The following ANKRD30BL variants were observed in gnomAD, a reference collection of about 807,000 sequenced individuals.
The protein encoded by ANKRD30BL is putative ankyrin repeat domain-containing protein 30B-like.
ANKRD30BL carries 20 observed loss-of-function variants against 18.4 expected under a neutral mutation model. That is an observed-to-expected ratio of 1.09 (90% confidence interval 0.77 to 1.58). The LOEUF (loss-of-function observed/expected upper bound fraction) is 1.58, where lower values mean the gene tolerates loss of function less well. ANKRD30BL is among the 40% of genes most tolerant of loss of function. ANKRD30BL has a pLI of 0.00. For missense variants in ANKRD30BL, 224 were observed against 268.6 expected (o/e 0.83, Z 1.16); for synonymous variants, 72 against 100.9 (o/e 0.71, Z 1.72).
rs565467076 is a variant in ANKRD30BL at position 132,254,146 on chromosome 2, C to T, written n.441+3383G>A. ...GCTGCGAGCCATCCAGCCCGCCCCA[C>T]GACACGCACACACGGTTTCATCCCC... is the stretch of plus-strand genomic sequence containing the variant. On this transcript the variant is annotated intron_variant and non_coding_transcript_variant, in intron 1 of 4. Coordinates refer to the ANKRD30BL transcript ENST00000470729. Among the ~76,000 whole-genome samples the T allele has an allele frequency of 9.9e-3, 1,514 of 152,164 alleles. 23 individuals are homozygous for T. The highest frequency in any genetic ancestry group is 0.034 in the African/African-American group (1,427 of 41,518).
At chr2:132,216,683 GA>G (rs549962104) in intron 1 of ANKRD30BL, among the ~76,000 whole-genome samples, 32 of 152,088 alleles carry the variant, frequency 2.1e-4, no homozygotes, top group Non-Finnish European at 3.8e-4. Context: ...GCCTGTGGTA[GA>G]AAAGGAAATA....
At chr2:132,165,641 G>T (rs1264272919), upstream of ANKRD30BL, among the ~76,000 whole-genome samples, 1 of 151,544 alleles carries the variant, frequency 6.6e-6, no homozygotes, top group Non-Finnish European at 1.5e-5. Flanking sequence ...AGAATTGTTT[G>T]AACCCAGGAG....
chr2:132,175,769 CTT>C lies in ANKRD30BL; in HGVS notation n.442-18625_442-18624del, dbSNP rs1156812807. On this transcript the variant is annotated intron_variant and non_coding_transcript_variant, in intron 1 of 4. Transcript: ENST00000470729. ...TATCGAGACTAGAGAATGGCGATGA[CTT>C]TTACCAAGCATACTACTTGTAAACA... is the stretch of plus-strand genomic sequence containing the variant. Among the ~76,000 whole-genome samples the C allele has an allele frequency of 2.0e-5, 3 of 152,210 alleles. No individual in the cohort carries two copies. In the East Asian group the frequency reaches 5.8e-4, roughly 29 times the overall value.
intron 1 of ANKRD30BL, among the ~76,000 whole-genome samples, chr2:132,220,757 C>A (rs1304016709): frequency 7.9e-5 from 12 of 151,964 alleles, no homozygotes; most frequent in African/African-American, 2.9e-4. Flanking sequence ...CCCAAAGAGC[C>A]GAGATTGCAG....
chr2:132,152,502 T>C (rs1687786652), intron 4 of ANKRD30BL: 2 of 152,170 alleles, frequency 1.3e-5, no homozygotes, highest in African/African-American at 4.8e-5. Context: ...GAGGTAGAGA[T>C]GTAAGTAGCA....
intron 1 of ANKRD30BL, among the ~76,000 whole-genome samples, chr2:132,233,657 C>T (rs1250249120): frequency 9.3e-5 from 14 of 150,702 alleles, no homozygotes; most frequent in African/African-American, 3.4e-4. Flanking sequence ...CTATATGCAC[C>T]CAATACAGGA....
At chr2:132,249,637 T>G (rs1301576536) in intron 1 of ANKRD30BL, among the ~76,000 whole-genome samples, 1 of 152,104 alleles carries the variant, frequency 6.6e-6, no homozygotes, top group Non-Finnish European at 1.5e-5. Context: ...AGTTTTTATG[T>G]GAAGATATTT....
At chr2:132,256,826 C>A in intron 1 of ANKRD30BL, 1 of 374,440 alleles carries the variant, frequency 2.7e-6, no homozygotes, top group South Asian at 1.9e-5. Flanking sequence ...GGTTTGGTCC[C>A]AGACGGGGCC....
intron 1 of ANKRD30BL, among the ~76,000 whole-genome samples, chr2:132,255,891 G>A (rs1186686260): frequency 6.6e-6 from 1 of 152,158 alleles, no homozygotes; most frequent in Non-Finnish European, 1.5e-5. Context: ...ATTGGCCCGA[G>A]GTTATCCAGA....
intron 1 of ANKRD30BL, among the ~76,000 whole-genome samples, chr2:132,242,173 G>A (rs78230610): frequency 6.6e-6 from 1 of 151,548 alleles, no homozygotes; most frequent in Non-Finnish European, 1.5e-5. Flanking sequence ...ACAGCATTGA[G>A]GATTTCGTTG....
rs113788621 is a variant in ANKRD30BL at position 132,226,662 on chromosome 2, G to T, written n.441+30867C>A. ...GAATCTGCAAGTGGACATTTGGTGT[G>T]CTTTGAGGCCTATGGTGGAAAAGGA... is the stretch of plus-strand genomic sequence containing the variant. On this transcript the variant is annotated intron_variant and non_coding_transcript_variant, in intron 1 of 4. Transcript: ENST00000470729. 2.0e-5 allele frequency among the ~76,000 whole-genome samples: 3 copies of T among 151,194 alleles called. 1 individual carries two copies. The highest frequency in any genetic ancestry group is 7.3e-5 in the African/African-American group (3 of 40,964).
At position 132,198,324 on chromosome 2, in the gene ANKRD30BL, CTTTTT is replaced by C. The variant is rs773252461; in HGVS notation, n.442-41183_442-41179del. 6.5e-4 allele frequency among the ~76,000 whole-genome samples: 11 copies of C among 16,828 alleles called. 1 individual carries two copies. Among genetic ancestry groups the C allele is most frequent in the African/African-American group, 1.5e-3 (11 of 7,354 alleles). The allele number at this position is 16,828 out of a possible 152,430, so 11.0% of individuals were successfully genotyped here. ...TCTTTCTTTCTTTCTTTCTTTCTTT[CTTTTT>C]TTTTTTTTTTTTTAGACAGAGTCTC... On this transcript the variant is annotated intron_variant and non_coding_transcript_variant, in intron 1 of 4. Transcript: ENST00000470729.
At chr2:132,160,813 T>C (rs2104931295) in intron 1 of ANKRD30BL, among the ~76,000 whole-genome samples, 1 of 152,090 alleles carries the variant, frequency 6.6e-6, no homozygotes, top group South Asian at 2.1e-4. Context: ...GTTTTAAATG[T>C]CACCACAATA....
At chr2:132,185,822 G>A (rs1431706307) in intron 1 of ANKRD30BL, among the ~76,000 whole-genome samples, 1 of 152,048 alleles carries the variant, frequency 6.6e-6, no homozygotes, top group Non-Finnish European at 1.5e-5. Context: ...TGGATTACTA[G>A]GAAAACTAAA....
At chr2:132,188,122 TGTAA>T (rs753501999) in intron 1 of ANKRD30BL, among the ~76,000 whole-genome samples, 25 of 152,298 alleles carry the variant, frequency 1.6e-4, no homozygotes, top group African/African-American at 4.8e-4. Flanking sequence ...TTTTCTGTGC[TGTAA>T]GTATTTTCTA....
intron 1 of ANKRD30BL, among the ~76,000 whole-genome samples, chr2:132,180,829 A>G (rs1688447518): frequency 6.6e-6 from 1 of 152,218 alleles, no homozygotes; most frequent in African/African-American, 2.4e-5. Context: ...ACATAAAATT[A>G]TAAAAGAACT....
chr2:132,196,154 AAG>A (rs1457350800), intron 1 of ANKRD30BL, among the ~76,000 whole-genome samples: 19 of 151,472 alleles, frequency 1.3e-4, no homozygotes, highest in Admixed American at 5.2e-4. Flanking sequence ...AAAAAAAAAA[AAG>A]AAAAAGAAAA....
intron 1 of ANKRD30BL, among the ~76,000 whole-genome samples, chr2:132,195,086 A>G (rs908548076): frequency 6.6e-6 from 1 of 152,172 alleles, no homozygotes; most frequent in African/African-American, 2.4e-5. Flanking sequence ...CAAAATGGAT[A>G]TAAATAGGAA....
intron 1 of ANKRD30BL, among the ~76,000 whole-genome samples, chr2:132,216,042 A>G (rs1231350257): frequency 6.7e-6 from 1 of 149,278 alleles, no homozygotes; most frequent in Non-Finnish European, 1.5e-5. Context: ...ATATCTTCAT[A>G]GAGAAATTTC....
Sources: gnomAD v4.1 joint callset for allele counts (sites outside exome capture counted in the v4.1 genomes callset) on GRCh38, gnomAD v4.1.1 for gene constraint, MANE v1.5 for transcripts, NCBI Gene and HGNC (gene_info 2026-07-23, HGNC 2026-07-21) for gene names.